UBE2W: variants seen among roughly 807,000 people sequenced by gnomAD.
The protein encoded by UBE2W is ubiquitin-conjugating enzyme E2 W.
Under a neutral mutation model 27.2 loss-of-function variants are expected in UBE2W, and 18 were observed. The ratio of observed to expected loss-of-function variants is 0.66; its 90% CI spans 0.46 to 0.98. The LOEUF (loss-of-function observed/expected upper bound fraction) is 0.98, where lower values mean the gene tolerates loss of function less well. Among genes scored for constraint, UBE2W ranks in the 50% least tolerant of loss-of-function variants. UBE2W has a pLI of 0.00. For synonymous variants in UBE2W, 53 were observed against 57.2 expected, an observed-to-expected ratio of 0.93 and a Z score of 0.33; for missense variants, 90 against 180.2, an observed-to-expected ratio of 0.50 and a Z score of 2.87.
chr8:73,838,426 G>A (rs932771920), intron 1 of UBE2W, among the ~76,000 whole-genome samples: 1 of 152,068 alleles, frequency 6.6e-6, no homozygotes, highest in African/African-American at 2.4e-5. Context: ...AACAGCCTGC[G>A]ATATGCGACC....
intron 3 of UBE2W, among the ~76,000 whole-genome samples, chr8:73,824,883 G>C (rs1245859445): frequency 6.6e-6 from 1 of 152,224 alleles, no homozygotes; most frequent in Non-Finnish European, 1.5e-5. Flanking sequence ...CCCTGGCCTA[G>C]AGGCCTGGTT....
downstream of UBE2W, among the ~76,000 whole-genome samples, chr8:73,781,237 T>C (rs959506187): frequency 2.8e-5 from 4 of 140,904 alleles, no homozygotes; most frequent in Admixed American, 2.3e-4. Context: ...GCCATTGCAC[T>C]CCAGCCTGTG....
intron 1 of UBE2W, among the ~76,000 whole-genome samples, chr8:73,835,817 A>G (rs1391418658): frequency 4.6e-5 from 7 of 152,148 alleles, no homozygotes; most frequent in Non-Finnish European, 1.0e-4. Context: ...CTTGCTCTGG[A>G]GGAATCAAGC....
intron 3 of UBE2W, among the ~76,000 whole-genome samples, chr8:73,811,982 C>A (rs994459577): frequency 2.0e-5 from 3 of 151,880 alleles, no homozygotes; most frequent in Non-Finnish European, 4.4e-5. Flanking sequence ...AGCTATGAAT[C>A]TGATTTTGTT....
intron 1 of UBE2W, among the ~76,000 whole-genome samples, chr8:73,863,617 G>A (rs1392853943): frequency 2.0e-5 from 3 of 151,668 alleles, no homozygotes; most frequent in African/African-American, 7.3e-5. Context: ...AAATAGCCAG[G>A]CATTGTGGTG....
At chr8:73,784,583 C>A (rs1190135561), downstream of UBE2W, among the ~76,000 whole-genome samples, 1 of 152,122 alleles carries the variant, frequency 6.6e-6, no homozygotes, top group Non-Finnish European at 1.5e-5. Flanking sequence ...AGAGGATATT[C>A]ATTTGCTTCT....
At chr8:73,805,454 CAA>C (rs1162712227) in intron 5 of UBE2W, among the ~76,000 whole-genome samples, 195 bp downstream of exon 5, 1 of 14,578 alleles carries the variant, frequency 6.9e-5, no homozygotes, top group African/African-American at 2.1e-4. Context: ...AACTCCATCT[CAA>C]AAAAAAAAAA....
At chr8:73,855,785 A>C (rs912421410) in intron 1 of UBE2W, among the ~76,000 whole-genome samples, 15 of 151,962 alleles carry the variant, frequency 9.9e-5, no homozygotes, top group Admixed American at 6.6e-4. Flanking sequence ...TACCTTCTGG[A>C]CCCAATTTTT....
chr8:73,860,153 G>C (rs1218495136), intron 1 of UBE2W, among the ~76,000 whole-genome samples: 1 of 148,648 alleles, frequency 6.7e-6, no homozygotes, highest in Non-Finnish European at 1.5e-5. Context: ...GGGGGCGGGG[G>C]AAGAAAAGAT....
chr8:73,809,267 T>C (rs1441543530), intron 4 of UBE2W, among the ~76,000 whole-genome samples: 1 of 152,118 alleles, frequency 6.6e-6, no homozygotes, highest in African/African-American at 2.4e-5. Context: ...TAACCTATCA[T>C]TAAAAAATGA....
rs56094830 is a variant in UBE2W at position 73,813,083 on chromosome 8, CAA to C, written c.211-2456_211-2455del. On this transcript the variant is annotated intron_variant, in intron 3 of 5. Transcript: ENST00000602593. ...GAAGAATAGTGATCTGAAAGTGCCA[CAA>C]AAAAAAAAAAAAAAAAAAAAAAAAG... Among the ~76,000 whole-genome samples, 357 of 43,430 alleles carry C rather than the reference CAA, an allele frequency of 8.2e-3. 2 individuals are homozygous for C. Among genetic ancestry groups the C allele is most frequent in the African/African-American group, 0.028 (340 of 11,982 alleles). 28.5% of individuals were successfully genotyped at this position (43,430 alleles called of 152,430 possible). A position where few individuals can be genotyped will look rare whatever the true frequency, so the allele number is the denominator to read the frequency against.
chr8:73,863,591 G>A (rs12114693), intron 1 of UBE2W, among the ~76,000 whole-genome samples: 6,012 of 146,516 alleles, frequency 0.041, 345 homozygotes, highest in African/African-American at 0.14. Context: ...AAAAAAAAAA[G>A]AAAAAAAAAT....
intron 1 of UBE2W, among the ~76,000 whole-genome samples, chr8:73,849,681 CTATTA>C (rs1810990788): frequency 6.6e-6 from 1 of 151,510 alleles, no homozygotes; most frequent in African/African-American, 2.4e-5. Context: ...GAAATAAATC[CTATTA>C]TATTACTCAT....
chr8:73,833,210 C>G (rs1015777684), intron 1 of UBE2W, among the ~76,000 whole-genome samples: 3 of 130,008 alleles, frequency 2.3e-5, no homozygotes, highest in Admixed American at 7.3e-5. Flanking sequence ...AAAAAAAAAG[C>G]CATAGTTCTC....
intron 3 of UBE2W, among the ~76,000 whole-genome samples, chr8:73,814,506 T>G (rs1365995113): frequency 6.6e-6 from 1 of 152,186 alleles, no homozygotes; most frequent in African/African-American, 2.4e-5. Context: ...GAATCAAGTT[T>G]GAAGTTGCAT....
intron 1 of UBE2W, among the ~76,000 whole-genome samples, chr8:73,865,160 C>T (rs987398610): frequency 5.8e-5 from 7 of 121,394 alleles, no homozygotes; most frequent in Admixed American, 5.1e-4. Context: ...TTCTTCACTG[C>T]TCTTTAAGTG....
intron 5 of UBE2W, among the ~76,000 whole-genome samples, 180 bp from the exon 6 acceptor site, chr8:73,794,295 A>C (rs889224102): frequency 3.9e-5 from 6 of 152,226 alleles, no homozygotes; most frequent in African/African-American, 1.4e-4. Flanking sequence ...ACAGTGACAA[A>C]TTTTTATTCT....
intron 5 of UBE2W, among the ~76,000 whole-genome samples, chr8:73,796,178 T>C (rs747536079): frequency 6.6e-6 from 1 of 151,934 alleles, no homozygotes; most frequent in Non-Finnish European, 1.5e-5. Context: ...ATTAATAAGT[T>C]CCTTAAAACA....
rs1009673796 is a variant in UBE2W at position 73,792,546 on chromosome 8, G to A, written c.*1556C>T. Reference sequence around the variant, plus strand: ...ATTATTGATTGAATGGTTTTACTGGGGTACGTATTTCAAACCTTTCAGCCA... The same window carrying A: ...ATTATTGATTGAATGGTTTTACTGGAGTACGTATTTCAAACCTTTCAGCCA... On this transcript the variant is annotated 3_prime_UTR_variant, in exon 6 of 6. Coordinates refer to ENST00000602593, the MANE Select transcript of UBE2W (RefSeq NM_018299.6). 1 of 985,272 alleles carries A rather than the reference G, an allele frequency of 1.0e-6. No individual in the cohort carries two copies. The highest frequency in any genetic ancestry group is 1.2e-6 in the Non-Finnish European group (1 of 829,764). The allele number at this position is 985,272 out of a possible 1,614,324, so 61.0% of individuals were successfully genotyped here.
Sources: allele counts gnomAD v4.1 joint callset (sites outside exome capture counted in the v4.1 genomes callset), GRCh38; gene constraint gnomAD v4.1.1; transcripts MANE v1.5; gene names NCBI Gene and HGNC (gene_info 2026-07-23, HGNC 2026-07-21).